The following ABCB4 variants were observed in gnomAD, a reference collection of about 807,000 sequenced individuals.
ABCB4 encodes the protein ATP binding cassette subfamily B member 4.
ABCB4 carries 76 observed loss-of-function variants against 145.7 expected under a neutral mutation model. The ratio of observed to expected loss-of-function variants is 0.52; its 90% CI spans 0.43 to 0.63. The LOEUF (loss-of-function observed/expected upper bound fraction) is 0.63. ABCB4 is among the 30% of genes least tolerant of loss of function. The pLI, the probability that ABCB4 is intolerant of heterozygous loss-of-function variation, is 0.00. For missense variants in ABCB4, 1,234 were observed against 1,553.1 expected (o/e 0.79, Z 3.45); for synonymous variants, 517 against 566.8 (o/e 0.91, Z 1.25).
chr7:87,456,460 T>C (rs1191688126), intron 4 of ABCB4, among the ~76,000 whole-genome samples: 1 of 152,084 alleles, frequency 6.6e-6, no homozygotes, highest in Non-Finnish European at 1.5e-5. Context: ...AGCTGGTTGT[T>C]AAAGAGAGCC....
the ABCB4 span, among the ~76,000 whole-genome samples, chr7:87,381,708 C>A: frequency 1.0e-3 from 156 of 152,234 alleles, no homozygotes; most frequent in African/African-American, 3.6e-3. Flanking sequence ...CAAATTTAAA[C>A]AACTTTTTTT....
the ABCB4 span, among the ~76,000 whole-genome samples, chr7:87,388,921 A>C: frequency 2.6e-5 from 4 of 152,196 alleles, no homozygotes; most frequent in African/African-American, 4.8e-5. Flanking sequence ...AACTTAAACA[A>C]ATTTACAAGA....
At chr7:87,382,537 A>C in the ABCB4 span, 1 of 1,613,296 alleles carries the variant, frequency 6.2e-7, no homozygotes. Context: ...TACAGACTTC[A>C]TGGACAGTAA....
intron 26 of ABCB4, among the ~76,000 whole-genome samples, chr7:87,405,546 C>T (rs1808124493): frequency 6.6e-6 from 1 of 151,608 alleles, no homozygotes; most frequent in Admixed American, 6.6e-5. Context: ...CCCGCCTCAG[C>T]CTCCTGAGTA....
At chr7:87,408,768 G>A (rs1383381696) in intron 24 of ABCB4, among the ~76,000 whole-genome samples, 1 of 152,162 alleles carries the variant, frequency 6.6e-6, no homozygotes, top group Non-Finnish European at 1.5e-5. Flanking sequence ...ATTACAACGT[G>A]TAGCATCTTG....
the ABCB4 span, among the ~76,000 whole-genome samples, chr7:87,371,509 T>G: frequency 0.88 from 133,743 of 152,152 alleles, 58,964 homozygotes; most frequent in Middle Eastern, 0.94. Flanking sequence ...ATGCCCCTTT[T>G]TGTATTTGGA....
In ABCB4 at chr7:87,455,566, G is replaced by A. The variant is rs754366649; in HGVS notation, c.287-974C>T. Among the ~76,000 whole-genome samples, 81 of 152,238 alleles carry A rather than the reference G, an allele frequency of 5.3e-4. 1 individual carries two copies. The highest frequency in any genetic ancestry group is 8.3e-4 in the South Asian group (4 of 4,826). On this transcript the variant is annotated intron_variant, in intron 4 of 27. Transcript: ENST00000649586. ...AGCCCAGGCAATTTGGCCTATGCTCGTAACACTATACTATACTGATTTATT... is the reference window on the plus strand; with the variant it reads ...AGCCCAGGCAATTTGGCCTATGCTCATAACACTATACTATACTGATTTATT...
chr7:87,409,357 A>G lies in ABCB4; in HGVS notation c.2960T>C (p.Leu987Pro), dbSNP rs1433283650. The G allele has an allele frequency of 6.2e-7, 1 of 1,614,142 alleles. No individual in the cohort carries two copies. The highest frequency in any genetic ancestry group is 1.1e-5 in the South Asian group (1 of 91,088). The change falls in exon 24 of 28, where the codon CTA becomes CCA. Residue 987 changes from leucine (L) to proline (P), a missense_variant. Coordinates refer to ENST00000649586, the MANE Select transcript of ABCB4 (RefSeq NM_000443.4). ...FSAIVFGAVA[L>P]GHASSFAPDY... ...TGGAGCAAATGAACTGGCATGTCCT[A>G]GAGCCACTGCACCAAATACAATTGC...
intron 4 of ABCB4, among the ~76,000 whole-genome samples, chr7:87,458,074 CTATGGACAGT>C (rs1812215322): frequency 6.6e-6 from 1 of 152,124 alleles, no homozygotes; most frequent in South Asian, 2.1e-4. Flanking sequence ...ACCCTAGGCA[CTATGGACAGT>C]TATGAAGATA....
At chr7:87,433,185 A>T (rs4540337) in intron 14 of ABCB4, among the ~76,000 whole-genome samples, 2 of 152,216 alleles carry the variant, frequency 1.3e-5, no homozygotes, top group African/African-American at 4.8e-5. Flanking sequence ...GTAATGTGGT[A>T]TTTCTACTTT....
downstream of ABCB4, chr7:87,399,083 C>CTAAT (rs377506014): frequency 2.4e-5 from 4 of 165,042 alleles, no homozygotes; most frequent in Admixed American, 6.0e-5. Flanking sequence ...TTATTGTATG[C>CTAAT]TAATTTCCCT....
intron 4 of ABCB4, among the ~76,000 whole-genome samples, chr7:87,460,581 G>A (rs1366172063): frequency 6.6e-6 from 1 of 152,014 alleles, no homozygotes; most frequent in South Asian, 2.1e-4. Context: ...TAGGATAATT[G>A]CCTCCAGCTG....
the ABCB4 span, chr7:87,392,570 G>A: frequency 2.2e-5 from 36 of 1,612,682 alleles, no homozygotes; most frequent in Non-Finnish European, 2.5e-5. Context: ...ATACAGCTTC[G>A]TGAGCGGCAG....
intron 15 of ABCB4, among the ~76,000 whole-genome samples, chr7:87,430,806 C>A (rs1232714945): frequency 6.6e-6 from 1 of 152,200 alleles, no homozygotes; most frequent in Non-Finnish European, 1.5e-5. Flanking sequence ...GGATTACAGG[C>A]ATGAGCCACT....
the ABCB4 span, among the ~76,000 whole-genome samples, chr7:87,373,665 GA>G: frequency 6.6e-6 from 1 of 151,984 alleles, no homozygotes; most frequent in Non-Finnish European, 1.5e-5. Context: ...GAGATTGAGA[GA>G]AAAAATGGTG....
Position 87,431,421 on chromosome 7 carries a change from T to C in ABCB4, c.1876A>G (p.Lys626Glu). Reference protein sequence around the residue: ...ELMKKEGVYFKLVNMQTSGSQ... With the variant: ...ELMKKEGVYFELVNMQTSGSQ... ...GCAAGTACCTGCATGTTGACAAGTTTGAAGTACACCCCTTCCTTCTTCATC... is the reference window on the plus strand; with the variant it reads ...GCAAGTACCTGCATGTTGACAAGTTCGAAGTACACCCCTTCCTTCTTCATC... Residue 626 changes from lysine (K) to glutamate (E), a missense_variant, in exon 15 of 28, where the codon AAA (lysine) becomes GAA (glutamate). Physicochemically the swap from Lys to Glu is moderately conservative, Grantham distance 56 (BLOSUM62 1). Around this residue, in one of 7 missense-constraint regions of ABCB4, gnomAD observed 321 missense variants for 332.6 expected, o/e 0.97. Transcript: ENST00000649586. 6.2e-7 allele frequency: 1 copy of C among 1,614,118 alleles called. No homozygotes were observed. The highest frequency in any genetic ancestry group is 1.1e-5 in the South Asian group (1 of 91,084).
chr7:87,367,544 C>G, the ABCB4 span, among the ~76,000 whole-genome samples: 1 of 152,160 alleles, frequency 6.6e-6, no homozygotes, highest in Non-Finnish European at 1.5e-5. Context: ...TATACTGATT[C>G]AAATATTTGC....
chr7:87,397,325 TG>T (rs1422220257), downstream of ABCB4, among the ~76,000 whole-genome samples: 1 of 148,710 alleles, frequency 6.7e-6, no homozygotes, highest in South Asian at 2.2e-4. Context: ...CACTCCAGTC[TG>T]GGCAACAGAG....
chr7:87,461,821 T>C lies in ABCB4; in HGVS notation c.286+937A>G, dbSNP rs1473659519. Among the ~76,000 whole-genome samples, 5 of 152,252 alleles carry C rather than the reference T, an allele frequency of 3.3e-5. No individual in the cohort carries two copies. The East Asian group carries it at 7.7e-4, about 23-fold the overall frequency. The stretch of plus-strand genomic sequence containing the variant: ...CTCTTAGGAAATTACACGTAAGGCC[T>C]ACAATAGTAACTAAATATGTAGTTC... On this transcript the variant is annotated intron_variant, in intron 4 of 27. Transcript: ENST00000649586.
Sources: gnomAD v4.1 joint callset for allele counts (sites outside exome capture counted in the v4.1 genomes callset) on GRCh38, gnomAD v4.1.1 for gene constraint, gnomAD v4.1.1 regional missense constraint, MANE v1.5 for transcripts, NCBI Gene and HGNC (gene_info 2026-07-23, HGNC 2026-07-21) for gene names.